The following ATXN7 variants were observed in gnomAD, a reference collection of about 807,000 sequenced individuals.
The protein encoded by ATXN7 is ataxin-7.
Under a neutral mutation model 70.5 loss-of-function variants are expected in ATXN7, and 12 were observed. The observed-to-expected ratio is 0.17, with a 90% CI of 0.11 to 0.28. ATXN7 has a LOEUF of 0.28. ATXN7 is among the 10% of genes least tolerant of loss of function. The pLI, the probability that ATXN7 is intolerant of heterozygous loss-of-function variation, is 1.00. For missense variants in ATXN7, 1,256 were observed against 1,131.7 expected, an observed-to-expected ratio of 1.11 and a Z score of -1.58; for synonymous variants, 498 against 448.7, an observed-to-expected ratio of 1.11 and a Z score of -1.39.
chr3:63,910,725 A>G (rs1703981909), intron 2 of ATXN7, among the ~76,000 whole-genome samples: 1 of 152,168 alleles, frequency 6.6e-6, no homozygotes, highest in Admixed American at 6.5e-5. Context: ...GGTTATTTTG[A>G]TAAGGACAGG....
At chr3:63,863,710 G>A (rs1702301575), upstream of ATXN7, 27 of 1,247,376 alleles carry the variant, frequency 2.2e-5, no homozygotes, top group Middle Eastern at 3.1e-4. Flanking sequence ...GGAGGCCAGG[G>A]GTCTCAGGGG....
intron 4 of ATXN7, 107 bp from the exon 5 acceptor site, chr3:63,952,272 C>A: frequency 1.5e-6 from 1 of 662,862 alleles, no homozygotes; most frequent in Non-Finnish European, 2.5e-6. Flanking sequence ...TTCATTTGTC[C>A]TGGTATACTT....
intron 5 of ATXN7, among the ~76,000 whole-genome samples, chr3:63,970,216 C>T (rs555873948): frequency 2.6e-5 from 4 of 152,280 alleles, no homozygotes; most frequent in African/African-American, 9.6e-5. Context: ...TCAAAAGCAA[C>T]AGCATCCTTT....
chr3:63,927,409 T>C (rs765769026), intron 4 of ATXN7, among the ~76,000 whole-genome samples: 4 of 152,200 alleles, frequency 2.6e-5, no homozygotes, highest in Non-Finnish European at 5.9e-5. Context: ...AGGTCTTGGC[T>C]AATTTGCACA....
At chr3:63,987,030 C>G (rs2075588850) in intron 8 of ATXN7, among the ~76,000 whole-genome samples, 1 of 152,170 alleles carries the variant, frequency 6.6e-6, no homozygotes, top group Non-Finnish European at 1.5e-5. Context: ...TGCATTTTTA[C>G]AGACTGAGAT....
intron 4 of ATXN7, among the ~76,000 whole-genome samples, chr3:63,919,608 T>A (rs77682335): frequency 2.0e-5 from 3 of 152,054 alleles, no homozygotes; most frequent in African/African-American, 4.8e-5. Flanking sequence ...TCTTTTTTTT[T>A]AATTATTATA....
intron 1 of ATXN7, among the ~76,000 whole-genome samples, chr3:63,888,947 T>A (rs978003696): frequency 1.3e-5 from 2 of 152,196 alleles, no homozygotes; most frequent in Admixed American, 1.3e-4. Flanking sequence ...TTGGCTTTTT[T>A]CACTTAGCAT....
intron 4 of ATXN7, among the ~76,000 whole-genome samples, chr3:63,949,213 A>C (rs1343457577): frequency 1.3e-5 from 2 of 150,954 alleles, no homozygotes; most frequent in African/African-American, 2.4e-5. Context: ...CCTGTTGCTA[A>C]GGCCCCTGGA....
chr3:63,954,658 C>A (rs1372152308), intron 5 of ATXN7, among the ~76,000 whole-genome samples: 1 of 150,462 alleles, frequency 6.6e-6, no homozygotes, highest in Non-Finnish European at 1.5e-5. Context: ...TTAATCTTCT[C>A]ATTTCCCTCT....
At position 63,995,969 on chromosome 3, in the gene ATXN7, ACTCTTCCTCCTC is replaced by A. The variant is rs752651112; in HGVS notation, c.2163_2174del (p.Ser725_Ser728del). 5.9e-5 allele frequency: 96 copies of A among 1,613,636 alleles called. No individual in the cohort carries two copies. The highest frequency in any genetic ancestry group is 3.3e-4 in the Middle Eastern group (2 of 6,082). On this transcript the variant is annotated inframe_deletion, in exon 12 of 13. Transcript: ENST00000674280. Reference sequence around the variant, plus strand: ...AAAAACAGTTCCCCACTGTTGGTTCACTCTTCCTCCTCCTCTTCCTCCTCCTCCTCTTCTTCT... The same window carrying A: ...AAAAACAGTTCCCCACTGTTGGTTCACTCTTCCTCCTCCTCCTCTTCTTCT...
At chr3:63,949,886 A>G (rs1038217181) in intron 4 of ATXN7, among the ~76,000 whole-genome samples, 1 of 152,194 alleles carries the variant, frequency 6.6e-6, no homozygotes, top group Non-Finnish European at 1.5e-5. Flanking sequence ...GTGATATTAA[A>G]TAAGTTTGTT....
upstream of ATXN7, chr3:63,863,816 G>GCGGCGA: frequency 8.5e-7 from 1 of 1,172,682 alleles, no homozygotes; most frequent in African/African-American, 1.6e-5. Context: ...GGCGGCGGCG[G>GCGGCGA]CGGCGGCGCA....
intron 6 of ATXN7, among the ~76,000 whole-genome samples, chr3:63,980,994 A>G (rs769113432): frequency 1.3e-5 from 2 of 152,222 alleles, no homozygotes; most frequent in Non-Finnish European, 1.5e-5. Flanking sequence ...CACGCACTCC[A>G]ATAGGAACAT....
At chr3:63,927,428 G>A (rs776714025) in intron 4 of ATXN7, among the ~76,000 whole-genome samples, 1 of 152,180 alleles carries the variant, frequency 6.6e-6, no homozygotes, top group Admixed American at 6.5e-5. Context: ...CAATTGGCCC[G>A]GAGGGGGAAA....
At chr3:63,896,823 T>C (rs1703463007) in intron 1 of ATXN7, among the ~76,000 whole-genome samples, 1 of 152,240 alleles carries the variant, frequency 6.6e-6, no homozygotes, top group South Asian at 2.1e-4. Context: ...ATGAATTCTT[T>C]TAAAACCAAA....
intron 4 of ATXN7, among the ~76,000 whole-genome samples, chr3:63,947,376 G>A (rs1179489551): frequency 3.9e-5 from 6 of 152,098 alleles, no homozygotes; most frequent in African/African-American, 1.2e-4. Context: ...ACTTGACCCA[G>A]GAGTTTGAGA....
chr3:63,997,559 TC>T (rs1254774330), intron 12 of ATXN7: 1 of 1,422,328 alleles, frequency 7.0e-7, no homozygotes, highest in Non-Finnish European at 9.7e-7. Flanking sequence ...TGTAGCTGTT[TC>T]TTCCAGCTTC....
intron 9 of ATXN7, among the ~76,000 whole-genome samples, chr3:63,989,516 A>T (rs907580598): frequency 2.0e-5 from 3 of 151,684 alleles, no homozygotes; most frequent in Non-Finnish European, 1.5e-5. Flanking sequence ...GCAGATTGAA[A>T]CTATTTGGGG....
intron 4 of ATXN7, among the ~76,000 whole-genome samples, chr3:63,916,651 T>C (rs984897560): frequency 6.6e-6 from 1 of 152,196 alleles, no homozygotes; most frequent in African/African-American, 2.4e-5. Flanking sequence ...GGGTTAATGT[T>C]GTGGCAGAAG....
Sources: allele counts gnomAD v4.1 joint callset (sites outside exome capture counted in the v4.1 genomes callset), GRCh38; gene constraint gnomAD v4.1.1; transcripts MANE v1.5; gene names NCBI Gene and HGNC (gene_info 2026-07-23, HGNC 2026-07-21).